CRACDL: variants seen among roughly 807,000 people sequenced by gnomAD.
CRACDL encodes the protein CRACD like.
In CRACDL, 26 loss-of-function variants were observed where a neutral mutation model predicts 70.6. The observed-to-expected ratio is 0.37, with a 90% CI of 0.27 to 0.51. The LOEUF is 0.51. Ranked by LOEUF, CRACDL falls within the 20% of genes least tolerant of loss-of-function variation. The pLI is 0.94. For synonymous variants in CRACDL, 618 were observed against 615.2 expected (o/e 1.00, Z -0.07); for missense variants, 1,283 against 1,376.9 (o/e 0.93, Z 1.08).
intron 1 of CRACDL, among the ~76,000 whole-genome samples, chr2:98,889,385 A>G (rs1295418254): frequency 3.3e-5 from 5 of 152,176 alleles, no homozygotes; most frequent in Non-Finnish European, 5.9e-5. Flanking sequence ...TATACTAATA[A>G]CAGAAAAAAT....
chr2:98,824,454 A>G (rs12622445), intron 6 of CRACDL, among the ~76,000 whole-genome samples: 4,033 of 152,276 alleles, frequency 0.026, 161 homozygotes, highest in South Asian at 0.18. Context: ...AAAGACCTCT[A>G]GAATTCAGAT....
At chr2:98,882,126 A>C (rs1367346340) in intron 1 of CRACDL, among the ~76,000 whole-genome samples, 5 of 152,184 alleles carry the variant, frequency 3.3e-5, no homozygotes, top group African/African-American at 4.8e-5. Flanking sequence ...GAATGGAGGG[A>C]CTGCAGCCTC....
chr2:98,799,982 C>T (rs1004025539), intron 7 of CRACDL, among the ~76,000 whole-genome samples: 5 of 152,234 alleles, frequency 3.3e-5, no homozygotes, highest in Non-Finnish European at 4.4e-5. Context: ...AGCATTCTCT[C>T]TTCTACTCCT....
At chr2:98,933,624 A>G (rs1025810110) in intron 1 of CRACDL, among the ~76,000 whole-genome samples, 16 of 152,152 alleles carry the variant, frequency 1.1e-4, no homozygotes, top group African/African-American at 3.9e-4. Context: ...TTATGTGCAC[A>G]ACAAGCAACT....
chr2:98,921,542 T>C (rs1010543312), intron 1 of CRACDL, among the ~76,000 whole-genome samples: 3 of 152,224 alleles, frequency 2.0e-5, no homozygotes, highest in Non-Finnish European at 4.4e-5. Flanking sequence ...GTAAGTCTCA[T>C]CCCCGAGTGA....
chr2:98,866,531 AG>A (rs1707154587), intron 1 of CRACDL, among the ~76,000 whole-genome samples: 1 of 123,616 alleles, frequency 8.1e-6, no homozygotes, highest in Non-Finnish European at 1.6e-5. Context: ...CTTGATGCCC[AG>A]GCTGGAGTAC....
At chr2:98,918,323 A>T (rs745725891) in intron 1 of CRACDL, among the ~76,000 whole-genome samples, 3 of 152,076 alleles carry the variant, frequency 2.0e-5, no homozygotes, top group Non-Finnish European at 4.4e-5. Context: ...GCTTGAGTTC[A>T]GGAGTTCGAG....
rs561092674 is a variant in CRACDL, at chr2:98,879,030, G to A, written c.-10-32220C>T. On this transcript the variant is annotated intron_variant, in intron 1 of 9. Transcript: ENST00000397899. ...ACCTCCAGCCATTACCACCACCCTG[G>A]CCCTGAGAAATCTTCCCGCTGCCCT... Among the ~76,000 whole-genome samples the A allele has an allele frequency of 4.4e-4, 67 of 152,158 alleles. No individual in the cohort carries two copies. In the South Asian group the frequency reaches 0.014, roughly 31 times the overall value.
intron 1 of CRACDL, among the ~76,000 whole-genome samples, chr2:98,926,849 A>G (rs1708919234): frequency 6.6e-6 from 1 of 152,246 alleles, no homozygotes; most frequent in Non-Finnish European, 1.5e-5. Flanking sequence ...GTATTGACTC[A>G]ACACGGCCAG....
chr2:98,869,317 C>T (rs1707259932), intron 1 of CRACDL: 1 of 1,202,028 alleles, frequency 8.3e-7, no homozygotes, highest in South Asian at 1.5e-5. Flanking sequence ...CCCAGCCCTC[C>T]TGTGCCCCGT....
intron 3 of CRACDL, among the ~76,000 whole-genome samples, chr2:98,836,175 C>G (rs1705771235): frequency 6.6e-6 from 1 of 152,174 alleles, no homozygotes; most frequent in African/African-American, 2.4e-5. Flanking sequence ...ACTTAAGAAG[C>G]ACAACCGCAC....
chr2:98,806,534 G>T lies in CRACDL; in HGVS notation c.2417-8997C>A, dbSNP rs548656220. On this transcript the variant is annotated intron_variant, in intron 7 of 9. Coordinates refer to ENST00000397899, the MANE Select transcript of CRACDL (RefSeq NM_207362.3). ...CCAGGGCCGGGCTCAACGGCACAGAGTTGTCAGTGGAGGAGCTGGACTGAA... is the reference window on the plus strand; with the variant it reads ...CCAGGGCCGGGCTCAACGGCACAGATTTGTCAGTGGAGGAGCTGGACTGAA... 3.9e-5 allele frequency among the ~76,000 whole-genome samples: 6 copies of T among 152,342 alleles called. No individual in the cohort carries two copies. The South Asian group carries it at 1.2e-3, about 32-fold the overall frequency.
At chr2:98,903,303 C>A (rs116234180) in intron 1 of CRACDL, among the ~76,000 whole-genome samples, 1 of 152,106 alleles carries the variant, frequency 6.6e-6, no homozygotes, top group South Asian at 2.1e-4. Flanking sequence ...ACACCGAGTG[C>A]GTTCACTGCT....
At chr2:98,923,477 C>T (rs1245337440) in intron 1 of CRACDL, among the ~76,000 whole-genome samples, 1 of 151,996 alleles carries the variant, frequency 6.6e-6, no homozygotes, top group Non-Finnish European at 1.5e-5. Context: ...AAGCAAAGTA[C>T]CCAGGAAGAA....
At chr2:98,913,833 G>A (rs1213755777) in intron 1 of CRACDL, among the ~76,000 whole-genome samples, 3 of 152,206 alleles carry the variant, frequency 2.0e-5, no homozygotes, top group Non-Finnish European at 4.4e-5. Context: ...TAAGCTATGT[G>A]AGAGCCCTGG....
At chr2:98,847,419 G>T (rs981601) in intron 1 of CRACDL, among the ~76,000 whole-genome samples, 74,395 of 151,976 alleles carry the variant, frequency 0.49, 19,358 homozygotes, top group African/African-American at 0.68. Flanking sequence ...AATGAAAAAT[G>T]TCAAACAGAT....
At chr2:98,813,878 T>C (rs1575336019) in intron 7 of CRACDL, among the ~76,000 whole-genome samples, 2 of 152,226 alleles carry the variant, frequency 1.3e-5, no homozygotes, top group East Asian at 3.9e-4. Flanking sequence ...ACAGATTTGA[T>C]CACTTTAACA....
chr2:98,913,331 C>T (rs1040236417), intron 1 of CRACDL, among the ~76,000 whole-genome samples: 3 of 152,020 alleles, frequency 2.0e-5, no homozygotes, highest in East Asian at 1.9e-4. Context: ...TCACCTCTGT[C>T]GGGGGGTGGG....
chr2:98,888,371 A>T (rs1008424071), intron 1 of CRACDL, among the ~76,000 whole-genome samples: 2 of 152,244 alleles, frequency 1.3e-5, no homozygotes, highest in Non-Finnish European at 2.9e-5. Context: ...ACAACAGCAC[A>T]GAAAAGGGAG....
Sources: allele counts gnomAD v4.1 joint callset (sites outside exome capture counted in the v4.1 genomes callset), GRCh38; gene constraint gnomAD v4.1.1; transcripts MANE v1.5; gene names NCBI Gene and HGNC (gene_info 2026-07-23, HGNC 2026-07-21).